The following NEAT1 variants were observed in gnomAD, a reference collection of about 807,000 sequenced individuals.
NEAT1 encodes MENepsilon/beta.
exon 1 of NEAT1, chr11:65,438,327 T>C (rs1856683574): frequency 6.6e-6 from 1 of 152,198 alleles, no homozygotes; most frequent in African/African-American, 2.4e-5. Context: ...TATTACCGGT[T>C]TTCCATTTAT....
chr11:65,444,531 T>C lies in NEAT1; in HGVS notation n.21734T>C, dbSNP rs931547376. On this transcript the variant is annotated non_coding_transcript_exon_variant, in exon 1 of 1. Transcript: ENST00000501122. ...CAGGAGGGGCTCCAGGGGCCCTCCCTCCATGGCAGCCAGGACAGGACTCTC... is the reference window on the plus strand; with the variant it reads ...CAGGAGGGGCTCCAGGGGCCCTCCCCCCATGGCAGCCAGGACAGGACTCTC... The C allele has an allele frequency of 8.1e-6, 4 of 496,478 alleles. No individual in the cohort carries two copies. The Admixed American group carries it at 8.7e-5, about 11-fold the overall frequency. The allele number at this position is 496,478 out of a possible 1,614,324, so 30.8% of individuals were successfully genotyped here.
chr11:65,445,003 GC>G (rs1856753724), exon 1 of NEAT1: 1 of 163,364 alleles, frequency 6.1e-6, no homozygotes, highest in Admixed American at 6.3e-5. Context: ...AAAGATTTGT[GC>G]CTTTAATGAT....
exon 1 of NEAT1, chr11:65,426,682 A>G (rs1856565453): frequency 6.6e-6 from 1 of 152,194 alleles, no homozygotes; most frequent in South Asian, 2.1e-4. Flanking sequence ...CACAGATAGA[A>G]CTGGTATTAT....
At chr11:65,426,291 A>C (rs1856560718) in exon 1 of NEAT1, 1 of 152,188 alleles carries the variant, frequency 6.6e-6, no homozygotes. Flanking sequence ...TTAACCAATG[A>C]CTTGGGGATG....
chr11:65,427,509 A>G (rs1359574676), exon 1 of NEAT1: 1 of 151,892 alleles, frequency 6.6e-6, no homozygotes, highest in African/African-American at 2.4e-5. Context: ...TATCTTGGTG[A>G]CCCCTCCACG....
chr11:65,424,526 G>C (rs1486781281), exon 1 of NEAT1: 4 of 152,216 alleles, frequency 2.6e-5, no homozygotes, highest in Admixed American at 6.5e-5. Context: ...GTTTCTCGGA[G>C]AAGTTCTTAG....
chr11:65,442,474 A>T (rs1229759167), exon 1 of NEAT1: 1 of 152,302 alleles, frequency 6.6e-6, no homozygotes, highest in Non-Finnish European at 1.5e-5. Flanking sequence ...TGGAGCCTGA[A>T]GTCATGCAAG....
exon 1 of NEAT1, chr11:65,441,524 A>G (rs1856714639): frequency 6.6e-6 from 1 of 152,166 alleles, no homozygotes; most frequent in East Asian, 1.9e-4. Flanking sequence ...CTATTTCATT[A>G]TAAGTCAGTT....
chr11:65,439,732 T>C (rs1856696770), exon 1 of NEAT1: 1 of 151,818 alleles, frequency 6.6e-6, no homozygotes, highest in Non-Finnish European at 1.5e-5. Context: ...CAGTCAGATA[T>C]GGCAAAAAGT....
At chr11:65,443,898 C>T (rs548889303) in exon 1 of NEAT1, 1 of 156,730 alleles carries the variant, frequency 6.4e-6, no homozygotes, top group South Asian at 1.6e-4. Flanking sequence ...ACAGCACACA[C>T]CCAAGGGTTC....
chr11:65,428,369 A>C (rs1856582410), exon 1 of NEAT1: 1 of 152,098 alleles, frequency 6.6e-6, no homozygotes, highest in African/African-American at 2.4e-5. Context: ...TACAAAAAGG[A>C]GATTGACTCA....
exon 1 of NEAT1, chr11:65,425,893 ATG>A: frequency 6.6e-6 from 1 of 152,298 alleles, no homozygotes; most frequent in East Asian, 1.9e-4. Flanking sequence ...GACAGAATCC[ATG>A]TACCTTTGCT....
chr11:65,429,885 TC>T (rs1429694344), exon 1 of NEAT1: 1 of 152,220 alleles, frequency 6.6e-6, no homozygotes, highest in East Asian at 1.9e-4. Context: ...AGAACCCACC[TC>T]CTGTGGCCAG....
chr11:65,434,048 A>G (rs1164677999), exon 1 of NEAT1: 1 of 152,104 alleles, frequency 6.6e-6, no homozygotes, highest in Non-Finnish European at 1.5e-5. Context: ...ATGTAATCTT[A>G]TGGAACATTC....
At chr11:65,435,299 C>G (rs1856648681) in exon 1 of NEAT1, 1 of 152,176 alleles carries the variant, frequency 6.6e-6, no homozygotes, top group Non-Finnish European at 1.5e-5. Context: ...TAATCCCGGA[C>G]CCCTAAGATA....
chr11:65,439,098 C>T (rs1359763011), exon 1 of NEAT1: 1 of 152,136 alleles, frequency 6.6e-6, no homozygotes, highest in African/African-American at 2.4e-5. Flanking sequence ...GAAGTAGCCT[C>T]TGGTGTCATT....
exon 1 of NEAT1, chr11:65,431,786 T>C (rs966841939): frequency 3.3e-5 from 5 of 152,242 alleles, no homozygotes; most frequent in African/African-American, 1.2e-4. Context: ...TGTTGACTTG[T>C]AGGAGTTTCT....
chr11:65,442,360 G>T (rs182337612), exon 1 of NEAT1: 1 of 150,808 alleles, frequency 6.6e-6, no homozygotes, highest in East Asian at 2.0e-4. Context: ...CTAACCAGGG[G>T]TGGGGACCTT....
exon 1 of NEAT1, chr11:65,432,465 A>T (rs1397506596): frequency 6.6e-6 from 1 of 152,178 alleles, no homozygotes; most frequent in Non-Finnish European, 1.5e-5. Flanking sequence ...ATAACTGATA[A>T]GTCCATTGAA....
Sources: allele counts gnomAD v4.1 joint callset, GRCh38; gene constraint gnomAD v4.1.1; transcripts MANE v1.5; gene names NCBI Gene and HGNC (gene_info 2026-07-23, HGNC 2026-07-21).